ADCY9: variants seen among roughly 807,000 people sequenced by gnomAD.
ADCY9 encodes adenylate cyclase 9, also known as adenylate cyclase type 9.
Under a neutral mutation model 101.5 loss-of-function variants are expected in ADCY9, and 50 were observed. That is an observed-to-expected ratio of 0.49 (90% CI 0.39 to 0.62). The LOEUF (loss-of-function observed/expected upper bound fraction) is 0.62, where lower values mean the gene tolerates loss of function less well. Ranked by LOEUF, ADCY9 falls within the 20% of genes least tolerant of loss-of-function variation. The probability of loss-of-function intolerance (pLI) is 0.00; values close to 1 mark genes in which losing one functional copy is unlikely to be tolerated. For missense variants in ADCY9, 1,662 were observed against 1,800.4 expected, an observed-to-expected ratio of 0.92 and a Z score of 1.39; for synonymous variants, 905 against 769.3, an observed-to-expected ratio of 1.18 and a Z score of -2.92.
rs769730820 is a variant in ADCY9 at position 3,989,078 on chromosome 16, A to C, written c.2226T>G (p.Phe742Leu). The C allele has an allele frequency of 6.2e-7, 1 of 1,613,980 alleles. No individual in the cohort carries two copies. Among genetic ancestry groups the C allele is most frequent in the South Asian group, 1.1e-5 (1 of 91,082 alleles). Residue 742 changes from phenylalanine to leucine, a missense_variant, in exon 6 of 11, where the codon TTT becomes TTG. Transcript: ENST00000294016. ...TGAACTGATTAATGGGCGGCTTAAA[A>C]AAGTAATCTTTCATCAGGCTAGAAG... ...IKEDSLMKDY[F>L]FKPPINQFSL...
At chr16:4,045,490 G>C (rs2141142879) in intron 2 of ADCY9, among the ~76,000 whole-genome samples, 1 of 150,854 alleles carries the variant, frequency 6.6e-6, no homozygotes, top group South Asian at 2.1e-4. Context: ...AGCTACTCAG[G>C]AGGCTGAGGC....
At chr16:4,041,829 A>G (rs142420412) in intron 2 of ADCY9, among the ~76,000 whole-genome samples, 4,835 of 150,110 alleles carry the variant, frequency 0.032, 274 homozygotes, top group African/African-American at 0.11. Flanking sequence ...ACAGCTCACT[A>G]AAGCCTCGAT....
At chr16:3,998,429 A>G (rs1264167752) in intron 3 of ADCY9, among the ~76,000 whole-genome samples, 6 of 151,386 alleles carry the variant, frequency 4.0e-5, no homozygotes, top group Non-Finnish European at 8.9e-5. Flanking sequence ...AGAAAAAAGA[A>G]GCCAGGCGCA....
intron 2 of ADCY9, among the ~76,000 whole-genome samples, chr16:4,068,879 T>C (rs1049010403): frequency 3.3e-5 from 5 of 151,694 alleles, no homozygotes; most frequent in African/African-American, 1.2e-4. Flanking sequence ...CAGATCTATC[T>C]CATTCTTACA....
chr16:4,082,752 GCACACA>G (rs1364130810), intron 2 of ADCY9, among the ~76,000 whole-genome samples: 3 of 151,892 alleles, frequency 2.0e-5, no homozygotes, highest in Non-Finnish European at 1.5e-5. Context: ...GGACGCACAC[GCACACA>G]CACCATGCAT....
intron 2 of ADCY9, among the ~76,000 whole-genome samples, chr16:4,106,726 T>C (rs1374813370): frequency 1.3e-5 from 2 of 152,260 alleles, no homozygotes; most frequent in East Asian, 1.9e-4. Flanking sequence ...CACGCAGGCT[T>C]CTGCACACTC....
intron 2 of ADCY9, among the ~76,000 whole-genome samples, chr16:4,106,723 G>T (rs971972994): frequency 3.3e-5 from 5 of 152,222 alleles, no homozygotes; most frequent in African/African-American, 1.2e-4. Flanking sequence ...GCCCACGCAG[G>T]CTTCTGCACA....
In ADCY9 at chr16:3,964,482, G is replaced by C. The variant is rs1263322116; in HGVS notation, c.*1293C>G. 6.6e-6 allele frequency: 1 copy of C among 152,270 alleles called. No homozygotes were observed. The highest frequency in any genetic ancestry group is 1.5e-5 in the Non-Finnish European group (1 of 68,084). The allele number at this position is 152,270 out of a possible 1,614,324, so 9.4% of individuals were successfully genotyped here. On this transcript the variant is annotated 3_prime_UTR_variant, in exon 11 of 11. Coordinates refer to ENST00000294016, the MANE Select transcript of ADCY9 (RefSeq NM_001116.4). ...GTGTGAGAACTCCATTTCAGAGCTGGAATTTGCTCCCCAGATTAAATCCTG... is the reference window on the plus strand; with the variant it reads ...GTGTGAGAACTCCATTTCAGAGCTGCAATTTGCTCCCCAGATTAAATCCTG...
At chr16:3,969,726 C>A (rs1014686663) in intron 10 of ADCY9, among the ~76,000 whole-genome samples, 3 of 149,566 alleles carry the variant, frequency 2.0e-5, no homozygotes, top group East Asian at 4.0e-4. Context: ...GCGATCCTCC[C>A]GCCTCAGCCT....
chr16:4,039,025 G>C (rs1286330939), intron 2 of ADCY9, among the ~76,000 whole-genome samples: 2 of 152,140 alleles, frequency 1.3e-5, no homozygotes, highest in Non-Finnish European at 2.9e-5. Flanking sequence ...CTAAGATTTA[G>C]AGAATACGGA....
Position 3,995,609 on chromosome 16 carries a change from T to A in ADCY9, c.1885-2099A>T, listed in dbSNP as rs191255139. ...AAACCGTGGCAAGAAATATATTTTTTTTTTTTTTTGGACTCAAAAGCAATT... is the reference window on the plus strand; with the variant it reads ...AAACCGTGGCAAGAAATATATTTTTATTTTTTTTTGGACTCAAAAGCAATT... On this transcript the variant is annotated intron_variant, in intron 3 of 10. Transcript: ENST00000294016. 2.3e-3 allele frequency among the ~76,000 whole-genome samples: 356 copies of A among 152,112 alleles called. 3 individuals are homozygous for A. Among genetic ancestry groups the A allele is most frequent in the African/African-American group, 8.2e-3 (339 of 41,502 alleles).
intron 2 of ADCY9, among the ~76,000 whole-genome samples, chr16:4,064,262 T>C (rs184089443): frequency 1.2e-3 from 177 of 152,304 alleles, no homozygotes; most frequent in South Asian, 9.3e-3. Flanking sequence ...TGTAAGGAGA[T>C]ACCAGGTTCT....
chr16:4,044,133 G>A (rs944016506), intron 2 of ADCY9, among the ~76,000 whole-genome samples: 4 of 152,088 alleles, frequency 2.6e-5, no homozygotes, highest in South Asian at 2.1e-4. Flanking sequence ...GATCACCTGA[G>A]ATCAGGAGTT....
At position 3,965,411 on chromosome 16, in the gene ADCY9, A is replaced by G; in HGVS notation, c.*364T>C. Reference sequence around the variant, plus strand: ...CTCGTGGGACGTGGGAAAAAGCAATAAAAATGAGATCTTAACCACAGCTTT... The same window carrying G: ...CTCGTGGGACGTGGGAAAAAGCAATGAAAATGAGATCTTAACCACAGCTTT... On this transcript the variant is annotated 3_prime_UTR_variant, in exon 11 of 11. Transcript: ENST00000294016. 3.7e-6 allele frequency: 1 copy of G among 271,008 alleles called. No individual in the cohort carries two copies. The highest frequency in any genetic ancestry group is 7.0e-6 in the Non-Finnish European group (1 of 143,606). The allele number at this position is 271,008 out of a possible 1,614,324, so 16.8% of individuals were successfully genotyped here.
chr16:4,050,713 CAAAAA>C (rs5815192), intron 2 of ADCY9, among the ~76,000 whole-genome samples: 16 of 69,660 alleles, frequency 2.3e-4, no homozygotes, highest in African/African-American at 3.1e-4. Flanking sequence ...AACTCCGTCT[CAAAAA>C]AAAAAAAAAA....
intron 2 of ADCY9, among the ~76,000 whole-genome samples, chr16:4,065,772 T>C (rs2056797549): frequency 6.6e-6 from 1 of 152,202 alleles, no homozygotes; most frequent in South Asian, 2.1e-4. Context: ...TTTCGCCATG[T>C]TGGCCAGGCT....
intron 5 of ADCY9, among the ~76,000 whole-genome samples, chr16:3,956,503 TG>T (rs34702342): frequency 5.3e-4 from 37 of 69,496 alleles, no homozygotes; most frequent in African/African-American, 1.3e-3. Context: ...TTTTTTTTTT[TG>T]GGGGGGGATG....
At chr16:3,988,649 T>TG (rs1271975523) in intron 6 of ADCY9, among the ~76,000 whole-genome samples, 6 of 23,232 alleles carry the variant, frequency 2.6e-4, no homozygotes, top group African/African-American at 5.5e-4. Context: ...CCAAGGCAGG[T>TG]GGGGGGGTTT....
At chr16:4,050,713 CAAAAAAAA>C (rs5815192) in intron 2 of ADCY9, among the ~76,000 whole-genome samples, 2 of 69,660 alleles carry the variant, frequency 2.9e-5, no homozygotes, top group African/African-American at 1.2e-4. Flanking sequence ...AACTCCGTCT[CAAAAAAAA>C]AAAAAAAAAA....
Sources: allele counts gnomAD v4.1 joint callset (sites outside exome capture counted in the v4.1 genomes callset), GRCh38; gene constraint gnomAD v4.1.1; transcripts MANE v1.5; gene names NCBI Gene and HGNC (gene_info 2026-07-23, HGNC 2026-07-21).